The following KSR2 variants were observed in gnomAD, a reference collection of about 807,000 sequenced individuals.
KSR2 encodes the protein kinase suppressor of ras 2.
Under a neutral mutation model 107.8 loss-of-function variants are expected in KSR2, and 25 were observed. The ratio of observed to expected loss-of-function variants is 0.23; its 90% confidence interval spans 0.17 to 0.32. KSR2 has a LOEUF of 0.32. Ranked by LOEUF, KSR2 falls within the 10% of genes least tolerant of loss-of-function variation. The pLI is 1.00. For missense variants in KSR2, 887 were observed against 1,268.9 expected, an observed-to-expected ratio of 0.70 and a Z score of 4.57; for synonymous variants, 480 against 507.0, an observed-to-expected ratio of 0.95 and a Z score of 0.71.
intron 16 of KSR2, among the ~76,000 whole-genome samples, chr12:117,480,021 C>CGTGTGTGTGTGT (rs1565865803): frequency 9.2e-6 from 1 of 108,786 alleles, no homozygotes; most frequent in East Asian, 4.1e-4. Context: ...AATCATTACA[C>CGTGTGTGTGTGT]ATGTGTATGT....
At chr12:117,549,280 G>A (rs1877106926) in intron 9 of KSR2, among the ~76,000 whole-genome samples, 1 of 152,188 alleles carries the variant, frequency 6.6e-6, no homozygotes, top group Non-Finnish European at 1.5e-5. Flanking sequence ...CAGGGGGCAG[G>A]TGAGGTTTTT....
chr12:117,578,769 G>A (rs766449996), intron 7 of KSR2, among the ~76,000 whole-genome samples: 12 of 152,188 alleles, frequency 7.9e-5, no homozygotes, highest in African/African-American at 2.2e-4. Context: ...TATTGTTTAC[G>A]GCTGCTTATG....
chr12:117,523,670 T>C (rs1039456586), intron 14 of KSR2, among the ~76,000 whole-genome samples: 2 of 152,184 alleles, frequency 1.3e-5, no homozygotes, highest in African/African-American at 4.8e-5. Flanking sequence ...TCTGCAACTT[T>C]CATGAAAACC....
intron 14 of KSR2, among the ~76,000 whole-genome samples, chr12:117,503,612 T>C (rs1022073076): frequency 2.0e-5 from 3 of 152,194 alleles, no homozygotes; most frequent in Admixed American, 6.5e-5. Context: ...TAGCCAACTT[T>C]ACATGAGTGA....
chr12:117,724,988 C>T (rs937566371), intron 4 of KSR2, among the ~76,000 whole-genome samples: 4 of 151,832 alleles, frequency 2.6e-5, no homozygotes, highest in African/African-American at 7.3e-5. Context: ...AAACAGTAAA[C>T]AGGAAAGAAA....
At chr12:117,631,309 G>A (rs1265540685) in intron 5 of KSR2, among the ~76,000 whole-genome samples, 1 of 152,086 alleles carries the variant, frequency 6.6e-6, no homozygotes, top group Non-Finnish European at 1.5e-5. Context: ...TCTAAATAAA[G>A]AAATAAATAA....
chr12:117,789,662 T>C (rs1835138218), intron 3 of KSR2, among the ~76,000 whole-genome samples: 1 of 152,200 alleles, frequency 6.6e-6, no homozygotes, highest in African/African-American at 2.4e-5. Flanking sequence ...CTCTTTCCTA[T>C]CCTTCAGTCC....
At chr12:117,467,326 T>C (rs1474284738) in intron 19 of KSR2, 121 bp from the exon 20 acceptor site, 11 of 529,828 alleles carry the variant, frequency 2.1e-5, no homozygotes, top group Non-Finnish European at 3.4e-5. Context: ...TCCTGTCTTC[T>C]GCAAGAAGAC....
intron 5 of KSR2, among the ~76,000 whole-genome samples, chr12:117,627,685 T>C (rs7296701): frequency 0.039 from 5,870 of 152,250 alleles, 246 homozygotes; most frequent in East Asian, 0.24. Context: ...TGTCTTGGGG[T>C]TGCCCTTCTC....
intron 5 of KSR2, among the ~76,000 whole-genome samples, chr12:117,640,242 C>T (rs374169977): frequency 4.0e-5 from 6 of 150,688 alleles, no homozygotes; most frequent in Non-Finnish European, 7.4e-5. Context: ...CTTTTTTTTT[C>T]TTTTTTTTGA....
intron 5 of KSR2, among the ~76,000 whole-genome samples, chr12:117,586,990 T>A (rs1047067256): frequency 2.0e-5 from 3 of 152,054 alleles, no homozygotes; most frequent in African/African-American, 7.2e-5. Context: ...AGTGACTGAG[T>A]TGGGATTTAA....
At chr12:117,591,919 G>A (rs769495928) in intron 5 of KSR2, among the ~76,000 whole-genome samples, 1 of 151,848 alleles carries the variant, frequency 6.6e-6, no homozygotes, top group Non-Finnish European at 1.5e-5. Flanking sequence ...TGAGGCATGA[G>A]AATCGCTGGA....
intron 3 of KSR2, among the ~76,000 whole-genome samples, chr12:117,763,597 T>G (rs1175100346): frequency 6.6e-6 from 1 of 152,146 alleles, no homozygotes; most frequent in Non-Finnish European, 1.5e-5. Context: ...AACTGTGTGA[T>G]GACAATGGGG....
intron 5 of KSR2, among the ~76,000 whole-genome samples, chr12:117,621,404 T>A (rs1206160923): frequency 6.6e-6 from 1 of 152,140 alleles, no homozygotes; most frequent in African/African-American, 2.4e-5. Context: ...AAGCACAGGA[T>A]CTGGAATGAT....
chr12:117,700,610 C>G (rs143844784), intron 4 of KSR2, among the ~76,000 whole-genome samples: 1 of 152,188 alleles, frequency 6.6e-6, no homozygotes, highest in Non-Finnish European at 1.5e-5. Context: ...ACGGATGCTA[C>G]GGAGATATAT....
intron 1 of KSR2, among the ~76,000 whole-genome samples, chr12:117,921,142 C>G (rs1895331154): frequency 6.6e-6 from 1 of 152,168 alleles, no homozygotes; most frequent in African/African-American, 2.4e-5. Context: ...GTTTCCTCAT[C>G]TGCAAAATAA....
At chr12:117,647,109 G>A (rs1390485804) in intron 5 of KSR2, among the ~76,000 whole-genome samples, 4 of 152,120 alleles carry the variant, frequency 2.6e-5, no homozygotes, top group Non-Finnish European at 5.9e-5. Flanking sequence ...AAAAGAGACT[G>A]GATGATCCAG....
chr12:117,587,917 G>C (rs1023595833), intron 5 of KSR2, among the ~76,000 whole-genome samples: 1 of 152,106 alleles, frequency 6.6e-6, no homozygotes. Flanking sequence ...GGAAAAAACA[G>C]GGAGGGCCTC....
At chr12:117,779,092 A>C (rs1365733472) in intron 3 of KSR2, among the ~76,000 whole-genome samples, 1 of 152,146 alleles carries the variant, frequency 6.6e-6, no homozygotes, top group Non-Finnish European at 1.5e-5. Flanking sequence ...GTGCTTATGA[A>C]GCCTTCAGAG....
Sources: allele counts gnomAD v4.1 joint callset (sites outside exome capture counted in the v4.1 genomes callset), GRCh38; gene constraint gnomAD v4.1.1; transcripts MANE v1.5; gene names NCBI Gene and HGNC (gene_info 2026-07-23, HGNC 2026-07-21).